MACF1: variants seen among roughly 807,000 people sequenced by gnomAD.
MACF1 encodes microtubule-actin cross-linking factor 1.
In MACF1, 193 loss-of-function variants were observed where a neutral mutation model predicts 854.8. The observed-to-expected ratio is 0.23, with a 90% confidence interval of 0.20 to 0.25. The LOEUF (loss-of-function observed/expected upper bound fraction) is 0.25. MACF1 is among the 10% of genes least tolerant of loss of function. MACF1 has a pLI of 1.00. For synonymous variants in MACF1, 3,185 were observed against 3,226.7 expected, an observed-to-expected ratio of 0.99 and a Z score of 0.44; for missense variants, 7,722 against 8,929.1, an observed-to-expected ratio of 0.86 and a Z score of 5.45.
chr1:39,410,034 T>C, intron 58 of MACF1: 1 of 426,432 alleles, frequency 2.3e-6, no homozygotes, highest in East Asian at 3.4e-5. Context: ...TTTTAAATTA[T>C]ATCGTCTGTC....
At chr1:39,379,118 G>A in intron 53 of MACF1, 85 bp from the exon 54 acceptor site, 2 of 1,349,320 alleles carry the variant, frequency 1.5e-6, no homozygotes, top group Non-Finnish European at 2.0e-6. Flanking sequence ...AGGAGTAAGA[G>A]AGATGCAAGT....
intron 58 of MACF1, chr1:39,411,750 G>A (rs757128149): frequency 1.1e-5 from 17 of 1,613,786 alleles, no homozygotes; most frequent in Non-Finnish European, 1.3e-5. Flanking sequence ...CTGAAGGGCT[G>A]GCTGCATCCC....
At chr1:39,291,752 G>A (rs1445757104) in intron 15 of MACF1, among the ~76,000 whole-genome samples, 158 bp from the exon 16 acceptor site, 2 of 152,292 alleles carry the variant, frequency 1.3e-5, no homozygotes, top group African/African-American at 4.8e-5. Flanking sequence ...TGATGATGGC[G>A]TAATTTTTGT....
chr1:39,342,071 G>A (rs1230863009), intron 40 of MACF1, among the ~76,000 whole-genome samples: 1 of 143,480 alleles, frequency 7.0e-6, no homozygotes, highest in African/African-American at 2.6e-5. Context: ...CCCTCAAGTA[G>A]GCCCCAGTAT....
chr1:39,232,155 A>C (rs944482311), intron 2 of MACF1, among the ~76,000 whole-genome samples: 4 of 149,242 alleles, frequency 2.7e-5, no homozygotes, highest in Non-Finnish European at 5.9e-5. Context: ...TTATGGTATT[A>C]TTATTTTAAA....
intron 6 of MACF1, among the ~76,000 whole-genome samples, chr1:39,279,223 G>A (rs1645497062): frequency 6.6e-6 from 1 of 152,106 alleles, no homozygotes. Context: ...CTGCTGGGTA[G>A]GGTACAGTTT....
intron 40 of MACF1, among the ~76,000 whole-genome samples, chr1:39,343,777 G>A (rs1413300665): frequency 1.3e-5 from 2 of 152,162 alleles, no homozygotes; most frequent in East Asian, 3.8e-4. Context: ...CATAAGGCAG[G>A]GGGAGAGACT....
chr1:39,478,468 G>A (rs1163701793), intron 97 of MACF1, among the ~76,000 whole-genome samples: 1 of 152,158 alleles, frequency 6.6e-6, no homozygotes, highest in Non-Finnish European at 1.5e-5. Context: ...ACTGAGGCCA[G>A]AGCAGGAAAA....
chr1:39,291,855 T>A (rs1226248832), intron 15 of MACF1, 55 bp from the exon 16 acceptor site: 1 of 1,566,550 alleles, frequency 6.4e-7, no homozygotes, highest in East Asian at 2.3e-5. Flanking sequence ...GTTCTGACCA[T>A]TTTCCTACCA....
At chr1:39,378,745 A>G (rs1466311125) in intron 53 of MACF1, among the ~76,000 whole-genome samples, 1 of 152,246 alleles carries the variant, frequency 6.6e-6, no homozygotes, top group African/African-American at 2.4e-5. Context: ...AGATTGGATC[A>G]CTAGATAAGG....
At chr1:39,459,001 A>G (rs1644497327) in intron 90 of MACF1, 85 bp from the exon 91 acceptor site, 2 of 1,179,096 alleles carry the variant, frequency 1.7e-6, no homozygotes, top group East Asian at 2.4e-5. Flanking sequence ...ATATTATTAT[A>G]AAGATCTTCT....
At chr1:39,235,067 G>A (rs1243074173) in intron 2 of MACF1, among the ~76,000 whole-genome samples, 6 of 151,890 alleles carry the variant, frequency 4.0e-5, no homozygotes, top group Admixed American at 2.6e-4. Flanking sequence ...GATGATGGGC[G>A]GCCAGGCAGA....
At chr1:39,090,579 A>T (rs1025266667) in intron 2 of MACF1, among the ~76,000 whole-genome samples, 2 of 152,220 alleles carry the variant, frequency 1.3e-5, no homozygotes, top group African/African-American at 4.8e-5. Context: ...TGCCATCTTA[A>T]TGCCATCATG....
At chr1:39,363,204 C>T (rs1648359269) in intron 49 of MACF1, among the ~76,000 whole-genome samples, 1 of 151,778 alleles carries the variant, frequency 6.6e-6, no homozygotes, top group Admixed American at 6.6e-5. Context: ...ATTTTTCTAC[C>T]TTTGTTGATT....
chr1:39,247,714 G>A (rs1557542465), intron 2 of MACF1, among the ~76,000 whole-genome samples: 1 of 152,210 alleles, frequency 6.6e-6, no homozygotes, highest in South Asian at 2.1e-4. Context: ...AAGTGATGGG[G>A]AAAATGTTAA....
chr1:39,177,993 G>A (rs987086029), intron 2 of MACF1, among the ~76,000 whole-genome samples: 2 of 151,952 alleles, frequency 1.3e-5, no homozygotes, highest in African/African-American at 4.8e-5. Flanking sequence ...TGGGATCACC[G>A]AGAGGGGGAT....
At chr1:39,328,405 A>T (rs1646656327) in intron 36 of MACF1, 1 of 152,194 alleles carries the variant, frequency 6.6e-6, no homozygotes, top group Non-Finnish European at 1.5e-5. Flanking sequence ...AGAAAAAAAG[A>T]AAGACAGGAC....
intron 1 of MACF1, among the ~76,000 whole-genome samples, chr1:39,210,109 G>A (rs946266060): frequency 3.3e-5 from 5 of 150,738 alleles, no homozygotes; most frequent in African/African-American, 7.3e-5. Flanking sequence ...AAAAAAAAAA[G>A]ACTTACAGGT....
At chr1:39,125,924 C>T (rs1226917006) in intron 2 of MACF1, among the ~76,000 whole-genome samples, 4 of 151,856 alleles carry the variant, frequency 2.6e-5, no homozygotes, top group East Asian at 1.9e-4. Context: ...ACCCGGGAGG[C>T]GGAGGTTCCA....
Sources: gnomAD v4.1 joint callset for allele counts (sites outside exome capture counted in the v4.1 genomes callset) on GRCh38, gnomAD v4.1.1 for gene constraint, MANE v1.5 for transcripts, NCBI Gene and HGNC (gene_info 2026-07-23, HGNC 2026-07-21) for gene names.